Variants in ERC1 observed in about 807,000 individuals in gnomAD.
ERC1 encodes the protein RAB6 interacting protein 2.
In ERC1, 56 loss-of-function variants were observed where a neutral mutation model predicts 132.0. The observed-to-expected ratio is 0.42, with a 90% confidence interval of 0.34 to 0.53. The LOEUF is 0.53. Ranked by LOEUF, ERC1 falls within the 20% of genes least tolerant of loss-of-function variation. The probability of loss-of-function intolerance (pLI) is 0.03; values close to 1 mark genes in which losing one functional copy is unlikely to be tolerated. For missense variants in ERC1, 1,202 were observed against 1,349.9 expected (o/e 0.89, Z 1.72); for synonymous variants, 478 against 476.1 (o/e 1.00, Z -0.05).
At chr12:1,007,540 C>CTCTCTCTCTCTCTCTCTGTGTGTGTGTG (rs1555194875) in intron 1 of ERC1, among the ~76,000 whole-genome samples, 5 of 122,786 alleles carry the variant, frequency 4.1e-5, no homozygotes, top group South Asian at 2.6e-4. Flanking sequence ...CTCTCTCTCT[C>CTCTCTCTCTCTCTCTCTGTGTGTGTGTG]TGTGTGTGTG....
chr12:1,316,882 A>G (rs1277631515), intron 15 of ERC1, among the ~76,000 whole-genome samples: 2 of 152,220 alleles, frequency 1.3e-5, no homozygotes, highest in Non-Finnish European at 2.9e-5. Flanking sequence ...GCACGTGGCC[A>G]GGCATGGCGG....
At chr12:1,135,504 G>C (rs114249222) in intron 7 of ERC1, among the ~76,000 whole-genome samples, 1 of 152,296 alleles carries the variant, frequency 6.6e-6, no homozygotes, top group African/African-American at 2.4e-5. Context: ...CCATAAATCT[G>C]TGTCTACCTG....
At chr12:1,298,640 T>C (rs977747656) in intron 15 of ERC1, among the ~76,000 whole-genome samples, 3 of 147,842 alleles carry the variant, frequency 2.0e-5, no homozygotes, top group Non-Finnish European at 4.5e-5. Flanking sequence ...ATCCAACCAA[T>C]AAAGGCAGAA....
chr12:1,083,850 T>G (rs538933104), intron 3 of ERC1, among the ~76,000 whole-genome samples: 1 of 152,288 alleles, frequency 6.6e-6, no homozygotes, highest in African/African-American at 2.4e-5. Context: ...GCTAAAGGGG[T>G]AAAAAATTCC....
At chr12:1,436,009 C>T (rs1167167979) in intron 17 of ERC1, among the ~76,000 whole-genome samples, 1 of 152,234 alleles carries the variant, frequency 6.6e-6, no homozygotes, top group East Asian at 1.9e-4. Context: ...CCCTCAGTGG[C>T]TATAGCCTAG....
intron 9 of ERC1, among the ~76,000 whole-genome samples, chr12:1,181,644 C>T (rs1954477124): frequency 6.6e-6 from 1 of 151,732 alleles, no homozygotes; most frequent in African/African-American, 2.4e-5. Context: ...ACTAAAAATA[C>T]AAAATTAGCC....
chr12:1,347,028 G>T (rs1316455199), intron 15 of ERC1, among the ~76,000 whole-genome samples: 3 of 151,636 alleles, frequency 2.0e-5, no homozygotes, highest in Non-Finnish European at 2.9e-5. Flanking sequence ...ATGGTATGTT[G>T]TAGTCCAGAG....
At chr12:1,484,801 C>T (rs561682575) in intron 18 of ERC1, among the ~76,000 whole-genome samples, 20 of 152,038 alleles carry the variant, frequency 1.3e-4, no homozygotes, top group South Asian at 6.3e-4. Flanking sequence ...AGGCTGGTCT[C>T]GAACTCTTGA....
At chr12:1,120,898 G>T (rs946093466) in intron 7 of ERC1, among the ~76,000 whole-genome samples, 3 of 152,112 alleles carry the variant, frequency 2.0e-5, no homozygotes, top group African/African-American at 7.2e-5. Flanking sequence ...CTAGAGCTAG[G>T]ATGCTGTTGT....
At chr12:1,386,581 G>A (rs2089381077) in intron 16 of ERC1, 1 of 139,706 alleles carries the variant, frequency 7.2e-6, no homozygotes. Context: ...CCAGGAGGCA[G>A]AGGTTGCAGT....
chr12:1,135,592 G>A (rs1278733281), intron 7 of ERC1, among the ~76,000 whole-genome samples: 1 of 152,138 alleles, frequency 6.6e-6, no homozygotes, highest in African/African-American at 2.4e-5. Flanking sequence ...AGATCATGAT[G>A]GAGTGGGCTC....
At chr12:1,325,606 A>G (rs753813109) in intron 15 of ERC1, among the ~76,000 whole-genome samples, 1 of 152,158 alleles carries the variant, frequency 6.6e-6, no homozygotes, top group African/African-American at 2.4e-5. Flanking sequence ...ACAATTTTAT[A>G]TATATTTTAA....
Position 1,263,051 on chromosome 12 carries a change from G to C in ERC1, c.2505G>C (p.Lys835Asn). ...TTTTCTAGGACAGTCTCCGTAAGAA[G>C]GATGACAGGATTGAAGAGCTGGAAG... ...SQQLQDSLRK[K>N]DDRIEELEEA... Residue 835 changes from lysine to asparagine, a missense_variant, in exon 14 of 19, where the codon AAG becomes AAC. Lys to Asn is a moderately conservative substitution (Grantham distance 94, BLOSUM62 0). Coordinates refer to ENST00000360905, the MANE Select transcript of ERC1 (RefSeq NM_178040.4). 1 of 1,614,010 alleles carries C rather than the reference G, an allele frequency of 6.2e-7. No individual in the cohort carries two copies.
chr12:1,000,854 AC>A (rs1045726552), intron 1 of ERC1, among the ~76,000 whole-genome samples: 6 of 152,134 alleles, frequency 3.9e-5, no homozygotes, highest in African/African-American at 1.4e-4. Context: ...AATATAACTT[AC>A]CTTTTGAAGG....
intron 2 of ERC1, among the ~76,000 whole-genome samples, chr12:1,076,497 C>A (rs545708149): frequency 6.6e-6 from 1 of 151,374 alleles, no homozygotes; most frequent in East Asian, 1.9e-4. Flanking sequence ...CCGGTTCTAG[C>A]AATTCTCCTG....
intron 2 of ERC1, among the ~76,000 whole-genome samples, chr12:1,081,788 C>CT (rs1942231401): frequency 1.3e-5 from 2 of 151,976 alleles, no homozygotes; most frequent in South Asian, 4.1e-4. Context: ...AACATTGTAC[C>CT]TGTAGTCAGC....
chr12:1,365,694 G>T, intron 15 of ERC1, among the ~76,000 whole-genome samples: 1 of 152,316 alleles, frequency 6.6e-6, no homozygotes, highest in South Asian at 2.1e-4. Flanking sequence ...TTAGGCTAAT[G>T]CAATGCAGAA....
chr12:1,227,626 G>A (rs949010565), intron 12 of ERC1, among the ~76,000 whole-genome samples: 1 of 152,124 alleles, frequency 6.6e-6, no homozygotes, highest in Non-Finnish European at 1.5e-5. Context: ...TTGATTGCTT[G>A]CATTGCTGTG....
intron 15 of ERC1, among the ~76,000 whole-genome samples, chr12:1,357,505 C>G (rs1001216035): frequency 6.6e-6 from 1 of 152,124 alleles, no homozygotes; most frequent in Non-Finnish European, 1.5e-5. Flanking sequence ...AGTTTGAGTT[C>G]TGAGAGACAA....
Sources: gnomAD v4.1 joint callset for allele counts (sites outside exome capture counted in the v4.1 genomes callset) on GRCh38, gnomAD v4.1.1 for gene constraint, MANE v1.5 for transcripts, NCBI Gene and HGNC (gene_info 2026-07-23, HGNC 2026-07-21) for gene names.